Variants in BEST4 observed in about 807,000 individuals in gnomAD.
The protein encoded by BEST4 is bestrophin-4.
A neutral mutation model predicts 47.1 loss-of-function variants in BEST4; 36 were observed. The observed-to-expected ratio is 0.76, with a 90% CI of 0.59 to 1.01. The LOEUF (loss-of-function observed/expected upper bound fraction) is 1.01, where lower values mean the gene tolerates loss of function less well. BEST4 is among the 50% of genes least tolerant of loss of function. The probability of loss-of-function intolerance (pLI) is 0.00; values close to 1 mark genes in which losing one functional copy is unlikely to be tolerated. For missense variants in BEST4, 550 were observed against 648.6 expected (o/e 0.85, Z 1.65); for synonymous variants, 250 against 277.8 (o/e 0.90, Z 1.00).
chr1:44,792,746 G>C (rs1302174115), upstream of BEST4, among the ~76,000 whole-genome samples: 2 of 151,938 alleles, frequency 1.3e-5, no homozygotes, highest in Non-Finnish European at 2.9e-5. Flanking sequence ...AAGAGATTCT[G>C]GCCCAAGCAC....
rs1005476462 is a variant in BEST4, at chr1:44,786,541, C to T, written c.403G>A (p.Ala135Thr). Reference protein sequence around the residue: ...RRTLIRYANLASVLVLRSVST... With the variant: ...RRTLIRYANLTSVLVLRSVST... ...ACCGAGCGCAGCACCAGCACGGACGCCAGGTTCGCGTAGCGGATGAGGGTG... is the reference window on the plus strand; with the variant it reads ...ACCGAGCGCAGCACCAGCACGGACGTCAGGTTCGCGTAGCGGATGAGGGTG... Residue 135 changes from alanine (A) to threonine (T), a missense_variant, in exon 3 of 9, where the codon GCG becomes ACG. Ala to Thr is a moderately conservative substitution (Grantham distance 58, BLOSUM62 0). This residue lies in a region of BEST4 where 291 missense variants were observed against 342.4 expected (regional missense o/e 0.85). Coordinates refer to ENST00000372207, the MANE Select transcript of BEST4 (RefSeq NM_153274.3). This position sits in a 1 kb window ranked among gnomAD's most constrained non-coding sequence, Gnocchi z 4.9. The T allele has an allele frequency of 6.4e-7, 1 of 1,550,638 alleles. No individual in the cohort carries two copies. The highest frequency in any genetic ancestry group is 8.7e-7 in the Non-Finnish European group (1 of 1,147,822).
At chr1:44,792,704 C>T (rs1460679921), upstream of BEST4, among the ~76,000 whole-genome samples, 1 of 152,058 alleles carries the variant, frequency 6.6e-6, no homozygotes, top group Non-Finnish European at 1.5e-5. Context: ...TGTTCTTGAC[C>T]CTCCTCCGTT....
chr1:44,785,093 AT>A lies in BEST4; in HGVS notation c.912+14del. ...CTCCACAGAGCAGGCTGGCATGCCCATCTGCAGTGCCCACCTTGAGCCAGCC... is the reference window on the plus strand; with the variant it reads ...CTCCACAGAGCAGGCTGGCATGCCCACTGCAGTGCCCACCTTGAGCCAGCC... On this transcript the variant is annotated intron_variant, in intron 6 of 8. Transcript: ENST00000372207. 6.2e-7 allele frequency: 1 copy of A among 1,611,968 alleles called. No homozygotes were observed. Among genetic ancestry groups the A allele is most frequent in the Non-Finnish European group, 8.5e-7 (1 of 1,178,792 alleles).
downstream of BEST4, among the ~76,000 whole-genome samples, chr1:44,782,008 C>CA (rs1651054246): frequency 9.4e-6 from 1 of 106,710 alleles, no homozygotes; most frequent in South Asian, 2.9e-4. Flanking sequence ...ACTAAACATA[C>CA]AAAAAATTAG....
At chr1:44,792,136 G>A (rs140536864), upstream of BEST4, among the ~76,000 whole-genome samples, 445 of 152,222 alleles carry the variant, frequency 2.9e-3, 3 homozygotes, top group African/African-American at 0.01. Context: ...CAGCTACTCC[G>A]GAGGCTGAGA....
Position 44,784,178 on chromosome 1 carries a change from G to A in BEST4, c.*32C>T. On this transcript the variant is annotated 3_prime_UTR_variant, in exon 9 of 9. Transcript: ENST00000372207. The surrounding 1 kb of genome is among the most constrained non-coding windows in gnomAD (Gnocchi z 6.2). ...GCACGGGAGGGAAGGAGGGCAGTGG[G>A]TGGGGGAAACCGGGCGGGGGCAGGC... The A allele has an allele frequency of 7.2e-7, 1 of 1,385,544 alleles. No homozygotes were observed. Among genetic ancestry groups the A allele is most frequent in the Non-Finnish European group, 9.3e-7 (1 of 1,079,836 alleles). 85.8% of individuals were successfully genotyped at this position (1,385,544 alleles called of 1,614,324 possible).
At chr1:44,791,378 A>G (rs1348871091), upstream of BEST4, among the ~76,000 whole-genome samples, 1 of 152,006 alleles carries the variant, frequency 6.6e-6, no homozygotes, top group Non-Finnish European at 1.5e-5. Flanking sequence ...TGGGCTGCTT[A>G]CCACTTAAAG....
chr1:44,785,320 G>T lies in BEST4; in HGVS notation c.715-15C>A. 6.4e-7 allele frequency: 1 copy of T among 1,572,724 alleles called. No individual in the cohort carries two copies. Among genetic ancestry groups the T allele is most frequent in the Non-Finnish European group, 8.6e-7 (1 of 1,157,984 alleles). Reference sequence around the variant, plus strand: ...ATGGTCACCACCTGGAGAATGAAGAGCCAGGCTCAGTGCAGGATGCAGCGG... The same window carrying T: ...ATGGTCACCACCTGGAGAATGAAGATCCAGGCTCAGTGCAGGATGCAGCGG... On this transcript the variant is annotated splice_polypyrimidine_tract_variant and intron_variant, in intron 5 of 8. Coordinates refer to ENST00000372207, the MANE Select transcript of BEST4 (RefSeq NM_153274.3).
upstream of BEST4, among the ~76,000 whole-genome samples, chr1:44,791,809 A>T (rs1430234280): frequency 6.6e-6 from 1 of 151,224 alleles, no homozygotes; most frequent in East Asian, 1.9e-4. Context: ...TCCCCTCCTC[A>T]CAGCTGAGAA....
chr1:44,786,585 C>T lies in BEST4; in HGVS notation c.359G>A (p.Arg120Gln). 2 of 1,550,534 alleles carry T rather than the reference C, an allele frequency of 1.3e-6. No homozygotes were observed. Among genetic ancestry groups the T allele is most frequent in the South Asian group, 1.2e-5 (1 of 84,048 alleles). The change falls in exon 3 of 9, where the codon CGG (arginine) becomes CAG (glutamine). Residue 120 changes from arginine to glutamine, a missense_variant. Transcript: ENST00000372207. This position sits in a 1 kb window ranked among gnomAD's most constrained non-coding sequence, Gnocchi z 4.9. ...GAGGGTGCGGCGCAGCAGGCGGCCC[C>T]GCTGGTCCACGCCGTGCACGCTAGC... ...ISASVHGVDQ[R>Q]GRLLRRTLIR...
At chr1:44,791,668 A>G (rs1651415442), upstream of BEST4, among the ~76,000 whole-genome samples, 1 of 151,866 alleles carries the variant, frequency 6.6e-6, no homozygotes, top group Admixed American at 6.6e-5. Flanking sequence ...TCTCCTTCTC[A>G]GCTGTTGACC....
chr1:44,782,090 G>C (rs1651056395), downstream of BEST4, among the ~76,000 whole-genome samples: 1 of 152,106 alleles, frequency 6.6e-6, no homozygotes, highest in African/African-American at 2.4e-5. Flanking sequence ...CTTGAACCTG[G>C]GGAGGTGGAG....
chr1:44,783,353 C>T (rs994139792), downstream of BEST4, among the ~76,000 whole-genome samples: 2 of 150,208 alleles, frequency 1.3e-5, no homozygotes, highest in Admixed American at 1.3e-4. Context: ...TACTTTTTCC[C>T]CCTGTGTGGT....
In BEST4 at chr1:44,784,199, C is replaced by G; in HGVS notation, c.*11G>C. 1 of 1,403,116 alleles carries G rather than the reference C, an allele frequency of 7.1e-7. No individual in the cohort carries two copies. Among genetic ancestry groups the G allele is most frequent in the Admixed American group, 3.5e-5 (1 of 28,550 alleles). The allele number at this position is 1,403,116 out of a possible 1,614,324, so 86.9% of individuals were successfully genotyped here. ...GTGGGTGGGGGAAACCGGGCGGGGG[C>G]AGGCGAGACCTCAGGGCTCCAGGGC... On this transcript the variant is annotated 3_prime_UTR_variant, in exon 9 of 9. Transcript: ENST00000372207. This position sits in a 1 kb window ranked among gnomAD's most constrained non-coding sequence, Gnocchi z 6.2.
Position 44,787,391 on chromosome 1 carries a change from A to G in BEST4, c.228T>C (p.Ile76=). The change falls in exon 2 of 9, where the codon ATT becomes ATC. Residue 76 remains isoleucine, a synonymous_variant. Transcript: ENST00000372207. ...CCTTACCCAATACAAAGGACAAGGGAATGAGGTCTGCTGAGCGGTTGCAGT... is the reference window on the plus strand; with the variant it reads ...CCTTACCCAATACAAAGGACAAGGGGATGAGGTCTGCTGAGCGGTTGCAGT... ...ARYCNRSADL[I]PLSFVLGFYV... is the part of the protein sequence containing the mutation. The G allele has an allele frequency of 3.1e-6, 5 of 1,614,052 alleles. No homozygotes were observed. The highest frequency in any genetic ancestry group is 4.2e-6 in the Non-Finnish European group (5 of 1,180,010).
At position 44,784,502 on chromosome 1, in the gene BEST4, G is replaced by GGGCCCCC; in HGVS notation, c.1149-20_1149-19insGGGGGCC. The stretch of plus-strand genomic sequence containing the variant: ...GCTCATGCTGCGGGCGGGAGGGCGG[G>GGGCCCCC]CTGAGCCGGGGCACAGGGCGGGAGC... On this transcript the variant is annotated intron_variant, in intron 8 of 8. Coordinates refer to ENST00000372207, the MANE Select transcript of BEST4 (RefSeq NM_153274.3). The surrounding 1 kb of genome is among the most constrained non-coding windows in gnomAD (Gnocchi z 6.2). The GGGCCCCC allele has an allele frequency of 2.5e-6, 1 of 399,792 alleles. No individual in the cohort carries two copies. Among genetic ancestry groups the GGGCCCCC allele is most frequent in the Non-Finnish European group, 4.8e-6 (1 of 210,194 alleles). 24.8% of individuals were successfully genotyped at this position (399,792 alleles called of 1,614,324 possible).
At position 44,788,057 on chromosome 1, in the gene BEST4, T is replaced by C. The variant is rs529446958; in HGVS notation, c.-352A>G. ...CCAGCCCAAATCCACTGCTATTCCT[T>C]GGGGCCTTGCTTTGGAAGCTGATTA... is the stretch of plus-strand genomic sequence containing the variant. On this transcript the variant is annotated 5_prime_UTR_variant, in exon 1 of 9. Transcript: ENST00000372207. 1.3e-5 allele frequency among the ~76,000 whole-genome samples: 2 copies of C among 152,336 alleles called. No homozygotes were observed. The highest frequency in any genetic ancestry group is 3.9e-4 in the East Asian group (2 of 5,190).
intron 2 of BEST4, among the ~76,000 whole-genome samples, chr1:44,787,143 CTTTTTTTT>C (rs34398169): frequency 3.8e-5 from 4 of 105,016 alleles, no homozygotes; most frequent in Admixed American, 9.9e-5. Context: ...TTGAGTAATT[CTTTTTTTT>C]TTTTTTTTTT....
chr1:44,791,625 G>A (rs1225049352), upstream of BEST4, among the ~76,000 whole-genome samples: 1 of 151,926 alleles, frequency 6.6e-6, no homozygotes, highest in Non-Finnish European at 1.5e-5. Context: ...CGGTCCCCAG[G>A]CCCACCCAGT....
Sources: gnomAD v4.1 joint callset for allele counts (sites outside exome capture counted in the v4.1 genomes callset) on GRCh38, gnomAD v4.1.1 for gene constraint, gnomAD v4.1.1 regional missense constraint, Gnocchi (gnomAD v3.1) non-coding constraint, MANE v1.5 for transcripts, NCBI Gene and HGNC (gene_info 2026-07-23, HGNC 2026-07-21) for gene names.